MMD2: variants seen among roughly 807,000 people sequenced by gnomAD.
MMD2 encodes monocyte to macrophage differentiation factor 2.
In MMD2, 30 loss-of-function variants were observed where a neutral mutation model predicts 33.5. That is an observed-to-expected ratio of 0.90 (90% CI 0.67 to 1.22). MMD2 has a LOEUF of 1.22. Among genes scored for constraint, MMD2 ranks in the 50% most tolerant of loss-of-function variants. The pLI is 0.00. For missense variants in MMD2, 364 were observed against 325.4 expected, an observed-to-expected ratio of 1.12 and a Z score of -0.91; for synonymous variants, 129 against 123.0, an observed-to-expected ratio of 1.05 and a Z score of -0.32.
intron 4 of MMD2, among the ~76,000 whole-genome samples, chr7:4,911,751 C>T (rs1307657320): frequency 2.6e-5 from 4 of 151,968 alleles, no homozygotes; most frequent in Non-Finnish European, 4.4e-5. Flanking sequence ...CGGGTTCAAG[C>T]GATTCTCCTG....
intron 1 of MMD2, among the ~76,000 whole-genome samples, chr7:4,926,634 C>T (rs898763766): frequency 1.3e-5 from 2 of 152,164 alleles, no homozygotes; most frequent in African/African-American, 4.8e-5. Flanking sequence ...TGAACTTGCT[C>T]AATAAACTCC....
At chr7:4,901,258 C>T (rs143795558), downstream of MMD2, among the ~76,000 whole-genome samples, 7 of 151,872 alleles carry the variant, frequency 4.6e-5, no homozygotes, top group African/African-American at 9.7e-5. Context: ...CTGACTAACT[C>T]GGTGAAATCA....
intron 1 of MMD2, among the ~76,000 whole-genome samples, chr7:4,948,637 A>G (rs971787313): frequency 6.6e-6 from 1 of 152,172 alleles, no homozygotes; most frequent in Non-Finnish European, 1.5e-5. Flanking sequence ...AGCCCTCACA[A>G]ATGGGATTAG....
At chr7:4,943,589 T>G (rs1315480506) in intron 1 of MMD2, among the ~76,000 whole-genome samples, 1 of 152,096 alleles carries the variant, frequency 6.6e-6, no homozygotes, top group Non-Finnish European at 1.5e-5. Context: ...GCACTCACAC[T>G]GTGGCCACAG....
chr7:4,907,515 T>A lies in MMD2; in HGVS notation c.622A>T (p.Ile208Phe). 1 of 1,613,850 alleles carries A rather than the reference T, an allele frequency of 6.2e-7. No homozygotes were observed. ...GMVFFKSDGR[I>F]PFAHAIWHLF... Reference sequence around the variant, plus strand: ...TGCCAGATGGCGTGGGCAAAGGGGATCCTCCCGTCACTCTTGAAGAAGACC... The same window carrying A: ...TGCCAGATGGCGTGGGCAAAGGGGAACCTCCCGTCACTCTTGAAGAAGACC... Residue 208 changes from isoleucine (I) to phenylalanine (F), a missense_variant, in exon 7 of 7, where the codon ATC becomes TTC. By Grantham distance (21) the Ile-to-Phe change is conservative (BLOSUM62 0). Transcript: ENST00000401401.
At chr7:4,912,248 T>C (rs1014650107) in intron 4 of MMD2, among the ~76,000 whole-genome samples, 1 of 151,990 alleles carries the variant, frequency 6.6e-6, no homozygotes, top group Admixed American at 6.6e-5. Flanking sequence ...GATGACAATA[T>C]TGTGTGTATG....
chr7:4,939,716 C>T (rs1371555471), intron 1 of MMD2, among the ~76,000 whole-genome samples: 1 of 151,526 alleles, frequency 6.6e-6, no homozygotes, highest in African/African-American at 2.4e-5. Context: ...GGTGCACACA[C>T]TTCCAATCTA....
At chr7:4,898,693 A>T in the MMD2 span, among the ~76,000 whole-genome samples, 1 of 152,182 alleles carries the variant, frequency 6.6e-6, no homozygotes, top group African/African-American at 2.4e-5. Flanking sequence ...TGAGGTCAGG[A>T]GTTCAAGACC....
Position 4,946,987 on chromosome 7 carries a change from C to T in MMD2, c.47+11984G>A, listed in dbSNP as rs938122948. Among the ~76,000 whole-genome samples, 4 of 152,256 alleles carry T rather than the reference C, an allele frequency of 2.6e-5. 1 individual carries two copies. The South Asian group carries it at 8.3e-4, about 32-fold the overall frequency. ...CTTTGGGAGACCGAGATGGGCCGAT[C>T]ACCTGAGGTCAGGAGTTCAAGACCA... On this transcript the variant is annotated intron_variant, in intron 1 of 6. Coordinates refer to ENST00000401401, the MANE Select transcript of MMD2 (RefSeq NM_198403.4). The surrounding 1 kb of genome is among the most constrained non-coding windows in gnomAD (Gnocchi z 5.0).
downstream of MMD2, among the ~76,000 whole-genome samples, chr7:4,904,874 G>A (rs993752148): frequency 1.3e-5 from 2 of 152,154 alleles, no homozygotes; most frequent in Non-Finnish European, 2.9e-5. Flanking sequence ...TGAAGGATGG[G>A]GCTCCAAGCT....
the MMD2 span, among the ~76,000 whole-genome samples, chr7:4,899,688 G>A: frequency 4.6e-5 from 7 of 152,072 alleles, no homozygotes; most frequent in African/African-American, 7.2e-5. Context: ...GAGCCACCTC[G>A]CCCAGCGTGG....
intron 6 of MMD2, 110 bp from the exon 7 acceptor site, chr7:4,907,709 A>G (rs909903266): frequency 3.1e-6 from 3 of 975,764 alleles, no homozygotes; most frequent in Non-Finnish European, 4.7e-6. Context: ...ATGGCAAACC[A>G]GCCCAGACTC....
At chr7:4,948,918 C>T (rs998430559) in intron 1 of MMD2, among the ~76,000 whole-genome samples, 1 of 152,158 alleles carries the variant, frequency 6.6e-6, no homozygotes, top group African/African-American at 2.4e-5. Context: ...CTCAGGTGAT[C>T]CTCCCACCTT....
rs527695015 is a variant in MMD2, at chr7:4,930,060, G to A, written c.48-4528C>T. The stretch of plus-strand genomic sequence containing the variant: ...CGAGGCGGGCATATTACAAGGTCAG[G>A]AGATCTAGACCATCCTGGCTAACAC... On this transcript the variant is annotated intron_variant, in intron 1 of 6. Transcript: ENST00000401401. Among the ~76,000 whole-genome samples, 4 of 146,018 alleles carry A rather than the reference G, an allele frequency of 2.7e-5. No homozygotes were observed. The Admixed American group carries it at 2.8e-4, about 10-fold the overall frequency.
At chr7:4,955,597 A>C (rs750708499) in intron 1 of MMD2, among the ~76,000 whole-genome samples, 6 of 152,214 alleles carry the variant, frequency 3.9e-5, no homozygotes, top group Admixed American at 1.3e-4. Flanking sequence ...ATATCTCCTA[A>C]ATAATTTGTT....
At chr7:4,901,417 G>A (rs1784792809), downstream of MMD2, among the ~76,000 whole-genome samples, 1 of 152,150 alleles carries the variant, frequency 6.6e-6, no homozygotes, top group Admixed American at 6.5e-5. Context: ...CTCCAGCCTG[G>A]GTGACAGAGA....
rs71032998 is a variant in MMD2 at position 4,933,940 on chromosome 7, CTTTTTT to C, written c.48-8414_48-8409del. ...GAGACACTGTGCCCGGCCACAATGC[CTTTTTT>C]TTTTTTTTTTTTTGAGACAGTCTCC... is the stretch of plus-strand genomic sequence containing the variant. On this transcript the variant is annotated intron_variant, in intron 1 of 6. Coordinates refer to ENST00000401401, the MANE Select transcript of MMD2 (RefSeq NM_198403.4). 7.4e-4 allele frequency among the ~76,000 whole-genome samples: 88 copies of C among 119,072 alleles called. 1 individual carries two copies. In the East Asian group the frequency reaches 9.6e-3, roughly 13 times the overall value. 78.1% of individuals were successfully genotyped at this position (119,072 alleles called of 152,430 possible).
chr7:4,897,779 C>A, the MMD2 span, among the ~76,000 whole-genome samples: 20 of 152,066 alleles, frequency 1.3e-4, no homozygotes, highest in East Asian at 3.7e-3. Flanking sequence ...ACTCTATCAC[C>A]CAGGCTGGAG....
intron 1 of MMD2, among the ~76,000 whole-genome samples, chr7:4,945,891 C>G (rs1786062589): frequency 6.6e-6 from 1 of 152,144 alleles, no homozygotes; most frequent in African/African-American, 2.4e-5. Context: ...CTTCTTTCCT[C>G]CAGGACAGAG....
Sources: allele counts gnomAD v4.1 joint callset (sites outside exome capture counted in the v4.1 genomes callset), GRCh38; gene constraint gnomAD v4.1.1; non-coding constraint Gnocchi (gnomAD v3.1); transcripts MANE v1.5; gene names NCBI Gene and HGNC (gene_info 2026-07-23, HGNC 2026-07-21).